The following NOL4 variants were observed in gnomAD, a reference collection of about 807,000 sequenced individuals.
The protein encoded by NOL4 is cancer/testis antigen 125.
A neutral mutation model predicts 75.9 loss-of-function variants in NOL4; 17 were observed. The ratio of observed to expected loss-of-function variants is 0.22; its 90% CI spans 0.15 to 0.34. The LOEUF is 0.34. Among genes scored for constraint, NOL4 ranks in the 10% least tolerant of loss-of-function variants. NOL4 has a pLI of 1.00. For missense variants in NOL4, 614 were observed against 793.5 expected (o/e 0.77, Z 2.72); for synonymous variants, 292 against 289.9 (o/e 1.01, Z -0.07).
chr18:34,180,352 A>C (rs990161889), intron 1 of NOL4, among the ~76,000 whole-genome samples: 1 of 151,648 alleles, frequency 6.6e-6, no homozygotes. Context: ...AAAATTAGCA[A>C]TGTAATATCT....
intron 5 of NOL4, among the ~76,000 whole-genome samples, chr18:34,090,874 AG>A (rs2078483274): frequency 6.6e-6 from 1 of 152,112 alleles, no homozygotes; most frequent in Non-Finnish European, 1.5e-5. Flanking sequence ...AGTCTTTTGC[AG>A]GGGTGGTGCA....
intron 5 of NOL4, among the ~76,000 whole-genome samples, chr18:34,047,730 G>A (rs1485704828): frequency 6.6e-6 from 1 of 152,006 alleles, no homozygotes; most frequent in Non-Finnish European, 1.5e-5. Flanking sequence ...TAAGAATTGG[G>A]GAAGGAACTG....
chr18:34,013,129 G>A (rs2074470949), intron 6 of NOL4, among the ~76,000 whole-genome samples: 1 of 151,896 alleles, frequency 6.6e-6, no homozygotes, highest in Non-Finnish European at 1.5e-5. Flanking sequence ...GAATAAGAAA[G>A]CATTACACAA....
At chr18:34,193,533 A>G (rs897890300) in intron 1 of NOL4, among the ~76,000 whole-genome samples, 1 of 152,104 alleles carries the variant, frequency 6.6e-6, no homozygotes, top group Non-Finnish European at 1.5e-5. Context: ...TTTAAACCAC[A>G]ATGATATATC....
intron 6 of NOL4, among the ~76,000 whole-genome samples, chr18:33,984,967 C>A (rs1302701081): frequency 6.6e-6 from 1 of 152,040 alleles, no homozygotes; most frequent in African/African-American, 2.4e-5. Flanking sequence ...CCCCTTCCCC[C>A]TTTTGTTATT....
chr18:34,144,863 G>A (rs981523328), intron 1 of NOL4, among the ~76,000 whole-genome samples: 8 of 152,016 alleles, frequency 5.3e-5, no homozygotes, highest in African/African-American at 1.9e-4. Context: ...CTCCTTATAG[G>A]ATCTACTTGG....
At chr18:33,931,682 T>G (rs1047057065) in intron 9 of NOL4, among the ~76,000 whole-genome samples, 9 of 151,968 alleles carry the variant, frequency 5.9e-5, no homozygotes, top group African/African-American at 1.9e-4. Flanking sequence ...TACAGTGAGC[T>G]CTGATCATGC....
chr18:34,159,620 CG>C (rs1480932558), intron 1 of NOL4, among the ~76,000 whole-genome samples: 2 of 152,138 alleles, frequency 1.3e-5, no homozygotes, highest in Non-Finnish European at 2.9e-5. Flanking sequence ...CATCCCGCCT[CG>C]CCGGAGGGGT....
intron 1 of NOL4, among the ~76,000 whole-genome samples, chr18:34,207,570 T>G (rs2146532756): frequency 6.6e-6 from 1 of 152,356 alleles, no homozygotes; most frequent in South Asian, 2.1e-4. Flanking sequence ...CTGCACATTC[T>G]TAGCTTGACA....
intron 2 of NOL4, among the ~76,000 whole-genome samples, chr18:34,118,843 G>A (rs35768292): frequency 0.18 from 27,234 of 152,062 alleles, 2,727 homozygotes; most frequent in Non-Finnish European, 0.23. Flanking sequence ...TTGTACTACT[G>A]CAGAGGAAAT....
chr18:34,103,581 A>G (rs374124986), intron 4 of NOL4, among the ~76,000 whole-genome samples: 2 of 152,222 alleles, frequency 1.3e-5, no homozygotes. Flanking sequence ...ATAGCAGTTA[A>G]TTAAAAAATA....
chr18:34,163,739 A>G (rs1332115179), intron 1 of NOL4, among the ~76,000 whole-genome samples: 1 of 152,162 alleles, frequency 6.6e-6, no homozygotes, highest in Non-Finnish European at 1.5e-5. Flanking sequence ...GGAAAAAACT[A>G]CTTTAAAGTT....
At chr18:33,958,147 A>G in intron 7 of NOL4, 92 bp downstream of exon 7, 1 of 1,180,014 alleles carries the variant, frequency 8.5e-7, no homozygotes, top group Non-Finnish European at 1.2e-6. Context: ...TTAAACAAAC[A>G]TGTCTCTAAA....
chr18:34,032,698 C>T (rs2075699869), intron 5 of NOL4, among the ~76,000 whole-genome samples: 1 of 152,144 alleles, frequency 6.6e-6, no homozygotes, highest in African/African-American at 2.4e-5. Context: ...AGAACCCACC[C>T]ACCTGGCCCA....
intron 10 of NOL4, among the ~76,000 whole-genome samples, chr18:33,865,735 A>G (rs972691022): frequency 2.6e-4 from 39 of 152,186 alleles, no homozygotes; most frequent in Non-Finnish European, 1.3e-4. Context: ...GGTGGTAACT[A>G]TTTGTCTCTT....
At chr18:33,886,519 C>T (rs1274007932) in intron 9 of NOL4, among the ~76,000 whole-genome samples, 1 of 146,148 alleles carries the variant, frequency 6.8e-6, no homozygotes, top group Non-Finnish European at 1.5e-5. Flanking sequence ...CAGAGTGAGA[C>T]TCCATCTCAA....
Position 34,116,819 on chromosome 18 carries a change from C to T in NOL4, c.415-11659G>A, listed in dbSNP as rs564066224. Among the ~76,000 whole-genome samples the T allele has an allele frequency of 5.9e-5, 9 of 152,130 alleles. No homozygotes were observed. The South Asian group carries it at 8.3e-4, about 14-fold the overall frequency. On this transcript the variant is annotated intron_variant, in intron 2 of 10. Coordinates refer to ENST00000261592, the MANE Select transcript of NOL4 (RefSeq NM_003787.5). ...AGTGCAAATTAAGAGAAAAAAATAA[C>T]GGAAAATAATTTTAAAACATGGAGA... is the stretch of plus-strand genomic sequence containing the variant.
rs1358223422 is a variant in NOL4, at chr18:34,103,818, GAACA to G, written c.639+225_639+228del. On this transcript the variant is annotated intron_variant, in intron 4 of 10. Transcript: ENST00000261592. ...ACTAAGGAAAATGTAGCTTTCTTGGGAACAAACAAATTCCCACATAACACTAAGA... is the reference window on the plus strand; with the variant it reads ...ACTAAGGAAAATGTAGCTTTCTTGGGAACAAATTCCCACATAACACTAAGA... Among the ~76,000 whole-genome samples the G allele has an allele frequency of 3.3e-5, 5 of 152,046 alleles. No homozygotes were observed. In the East Asian group the frequency reaches 7.7e-4, roughly 23 times the overall value.
At chr18:34,093,419 T>C in intron 5 of NOL4, 46 bp downstream of exon 5, 1 of 1,509,752 alleles carries the variant, frequency 6.6e-7, no homozygotes. Flanking sequence ...TTCTGACTCA[T>C]TTTTTTGCTG....
Sources: allele counts gnomAD v4.1 joint callset (sites outside exome capture counted in the v4.1 genomes callset), GRCh38; gene constraint gnomAD v4.1.1; transcripts MANE v1.5; gene names NCBI Gene and HGNC (gene_info 2026-07-23, HGNC 2026-07-21).